Variants in ZSWIM6 observed in about 807,000 individuals in gnomAD.
ZSWIM6 encodes zinc finger SWIM domain-containing protein 6.
ZSWIM6 carries 9 observed loss-of-function variants against 113.2 expected under a neutral mutation model. That is an observed-to-expected ratio of 0.08 (90% CI 0.05 to 0.14). ZSWIM6 has a LOEUF of 0.14. Ranked by LOEUF, ZSWIM6 falls within the 10% of genes least tolerant of loss-of-function variation. The probability of loss-of-function intolerance (pLI) is 1.00; values close to 1 mark genes in which losing one functional copy is unlikely to be tolerated. For missense variants in ZSWIM6, 1,162 were observed against 1,552.2 expected (o/e 0.75, Z 4.22); for synonymous variants, 611 against 606.5 (o/e 1.01, Z -0.11).
chr5:61,524,322 G>T (rs1031568267), intron 5 of ZSWIM6, among the ~76,000 whole-genome samples: 1 of 151,874 alleles, frequency 6.6e-6, no homozygotes, highest in African/African-American at 2.4e-5. Flanking sequence ...GAGGAGTCTG[G>T]GTGGGAGCCA....
At chr5:61,495,439 A>G (rs1454816676) in intron 4 of ZSWIM6, among the ~76,000 whole-genome samples, 2 of 152,200 alleles carry the variant, frequency 1.3e-5, no homozygotes, top group African/African-American at 2.4e-5. Flanking sequence ...TTTTCCTATT[A>G]ATAGGATATA....
chr5:61,375,576 G>A, intron 1 of ZSWIM6: 5 of 1,530,374 alleles, frequency 3.3e-6, no homozygotes, highest in Non-Finnish European at 3.5e-6. Context: ...CAGACAGTAA[G>A]GATAGTTTAA....
intron 2 of ZSWIM6, among the ~76,000 whole-genome samples, chr5:61,473,504 T>C (rs913872198): frequency 3.3e-5 from 5 of 152,232 alleles, no homozygotes; most frequent in African/African-American, 1.2e-4. Context: ...AGAATATGAA[T>C]ATTTTGTATA....
In ZSWIM6 at chr5:61,447,675, G is replaced by A. The variant is rs189462095; in HGVS notation, c.677-25006G>A. Among the ~76,000 whole-genome samples the A allele has an allele frequency of 7.9e-5, 12 of 152,292 alleles. No homozygotes were observed. The East Asian group carries it at 1.4e-3, about 17-fold the overall frequency. On this transcript the variant is annotated intron_variant, in intron 1 of 13. Transcript: ENST00000252744. The stretch of plus-strand genomic sequence containing the variant: ...TTCTCCTGGCTTGCAGCAGCTGACC[G>A]GCAAGCAATGTGTTCAGGTCAGGGA...
At chr5:61,458,524 T>G (rs530710852) in intron 1 of ZSWIM6, among the ~76,000 whole-genome samples, 1 of 152,154 alleles carries the variant, frequency 6.6e-6, no homozygotes, top group African/African-American at 2.4e-5. Flanking sequence ...CCTCCCAACC[T>G]TCTGAAAAAG....
chr5:61,407,612 G>T (rs972547672), intron 1 of ZSWIM6, among the ~76,000 whole-genome samples: 3 of 151,960 alleles, frequency 2.0e-5, no homozygotes, highest in African/African-American at 7.3e-5. Context: ...ACTGCTTTTC[G>T]AAAAACATAA....
At chr5:61,391,539 G>A (rs1001930623) in intron 1 of ZSWIM6, 21 of 1,007,866 alleles carry the variant, frequency 2.1e-5, no homozygotes, top group African/African-American at 4.8e-5. Flanking sequence ...TGCATGCATC[G>A]CTGATGTGCT....
intron 1 of ZSWIM6, among the ~76,000 whole-genome samples, chr5:61,413,719 T>C (rs962179891): frequency 2.0e-5 from 3 of 152,228 alleles, no homozygotes; most frequent in South Asian, 2.1e-4. Context: ...GCCATTCTAA[T>C]TGGTGTGAGA....
At chr5:61,534,727 CAG>C (rs1196132955) in intron 9 of ZSWIM6, among the ~76,000 whole-genome samples, 2 of 152,226 alleles carry the variant, frequency 1.3e-5, no homozygotes, top group East Asian at 3.9e-4. Context: ...AGGGAGCACA[CAG>C]GGGAAGTCAG....
At chr5:61,542,975 A>G (rs922181138) in intron 13 of ZSWIM6, among the ~76,000 whole-genome samples, 2 of 152,152 alleles carry the variant, frequency 1.3e-5, no homozygotes, top group African/African-American at 4.8e-5. Context: ...GTCTGCTTCT[A>G]TTGACTTTGT....
At chr5:61,355,847 T>C (rs1208051994) in intron 1 of ZSWIM6, among the ~76,000 whole-genome samples, 1 of 152,212 alleles carries the variant, frequency 6.6e-6, no homozygotes, top group Non-Finnish European at 1.5e-5. Flanking sequence ...AAAGTATTAT[T>C]AGAATTAATT....
At chr5:61,375,238 G>C (rs1745347854) in intron 1 of ZSWIM6, 1 of 1,613,062 alleles carries the variant, frequency 6.2e-7, no homozygotes, top group Admixed American at 1.7e-5. Context: ...TACCTGGGAA[G>C]AAGTAAAAGA....
chr5:61,351,111 A>T (rs1744774224), intron 1 of ZSWIM6, among the ~76,000 whole-genome samples: 1 of 152,222 alleles, frequency 6.6e-6, no homozygotes, highest in Non-Finnish European at 1.5e-5. Flanking sequence ...ATAGTTTATT[A>T]TAATTGTTGC....
intron 12 of ZSWIM6, among the ~76,000 whole-genome samples, chr5:61,540,443 C>A (rs1285791641): frequency 6.6e-6 from 1 of 152,104 alleles, no homozygotes; most frequent in African/African-American, 2.4e-5. Flanking sequence ...AATTGTTATA[C>A]CCCAGTTACC....
At chr5:61,484,383 T>G (rs1359849081) in intron 2 of ZSWIM6, among the ~76,000 whole-genome samples, 1 of 152,202 alleles carries the variant, frequency 6.6e-6, no homozygotes, top group Non-Finnish European at 1.5e-5. Context: ...ATTATTTAGC[T>G]CAGTTTATCA....
intron 9 of ZSWIM6, among the ~76,000 whole-genome samples, chr5:61,532,360 A>C (rs1376807624): frequency 6.6e-6 from 1 of 152,112 alleles, no homozygotes; most frequent in Non-Finnish European, 1.5e-5. Flanking sequence ...GGCTGACACT[A>C]TTTTTCAGAT....
intron 1 of ZSWIM6, among the ~76,000 whole-genome samples, chr5:61,394,836 G>A (rs1389647793): frequency 6.6e-6 from 1 of 152,118 alleles, no homozygotes; most frequent in Non-Finnish European, 1.5e-5. Flanking sequence ...TTCAGATTCT[G>A]CACAGCTGCT....
At chr5:61,378,641 C>T (rs549719600) in intron 1 of ZSWIM6, among the ~76,000 whole-genome samples, 20 of 152,188 alleles carry the variant, frequency 1.3e-4, no homozygotes, top group East Asian at 9.7e-4. Context: ...CCACAACCTC[C>T]GCCTCCCAGG....
rs1464060578 is a variant in ZSWIM6 at position 61,538,814 on chromosome 5, G to A, written c.2382G>A (p.Arg794=). 2 of 1,550,716 alleles carry A rather than the reference G, an allele frequency of 1.3e-6. No homozygotes were observed. Among genetic ancestry groups the A allele is most frequent in the East Asian group, 2.4e-5 (1 of 40,906 alleles). ...CACCTTCCTTGTCTTCTCATTATAG[G>A]TTACTAGTATTGGAATCTACTGCTC... ...LAYKIALRAM[R]LLVLESTAPS... The change falls in exon 11 of 14, where the codon CGG becomes CGA. Residue 794 remains arginine, a splice_region_variant and synonymous_variant. Coordinates refer to ENST00000252744, the MANE Select transcript of ZSWIM6 (RefSeq NM_020928.2).
Sources: allele counts gnomAD v4.1 joint callset (sites outside exome capture counted in the v4.1 genomes callset), GRCh38; gene constraint gnomAD v4.1.1; transcripts MANE v1.5; gene names NCBI Gene and HGNC (gene_info 2026-07-23, HGNC 2026-07-21).